DIP2C: variants seen among roughly 807,000 people sequenced by gnomAD.
DIP2C encodes DIP2 acetate--CoA ligase C (putative).
Under a neutral mutation model 192.4 loss-of-function variants are expected in DIP2C, and 33 were observed. The ratio of observed to expected loss-of-function variants is 0.17; its 90% CI spans 0.13 to 0.23. The LOEUF is 0.23. DIP2C is among the 10% of genes least tolerant of loss of function. DIP2C has a pLI of 1.00. For missense variants in DIP2C, 1,537 were observed against 2,110.1 expected (o/e 0.73, Z 5.32); for synonymous variants, 979 against 864.1 (o/e 1.13, Z -2.33).
chr10:687,894 G>C (rs561860178), intron 1 of DIP2C, among the ~76,000 whole-genome samples: 1 of 152,304 alleles, frequency 6.6e-6, no homozygotes, highest in East Asian at 1.9e-4. Flanking sequence ...GGGGCGCTAC[G>C]CTCTGCTGAC....
At chr10:594,652 G>A (rs1287412234) in intron 1 of DIP2C, among the ~76,000 whole-genome samples, 6 of 149,338 alleles carry the variant, frequency 4.0e-5, no homozygotes, top group Non-Finnish European at 8.8e-5. Context: ...GCTTTCTCGA[G>A]TCCCTGGCTG....
intron 1 of DIP2C, among the ~76,000 whole-genome samples, chr10:688,593 C>T (rs1351619691): frequency 1.5e-5 from 2 of 137,140 alleles, no homozygotes; most frequent in African/African-American, 5.4e-5. Context: ...ACAGGAATGG[C>T]CTGACCAGGA....
intron 1 of DIP2C, among the ~76,000 whole-genome samples, chr10:685,307 C>T (rs527704348): frequency 6.6e-6 from 1 of 151,850 alleles, no homozygotes; most frequent in East Asian, 1.9e-4. Context: ...GCTGAAAAAA[C>T]ATTAGGCTGC....
chr10:638,239 T>C (rs918119149), intron 1 of DIP2C, among the ~76,000 whole-genome samples: 1 of 152,234 alleles, frequency 6.6e-6, no homozygotes, highest in African/African-American at 2.4e-5. Context: ...GTGGAAGTAA[T>C]TCCTTAAAAA....
At chr10:345,630 C>T (rs1447398834) in intron 26 of DIP2C, among the ~76,000 whole-genome samples, 2 of 123,044 alleles carry the variant, frequency 1.6e-5, no homozygotes, top group Non-Finnish European at 3.3e-5. Context: ...CCAGACACAT[C>T]GCGCATAGTT....
chr10:534,266 C>T (rs554183471), intron 1 of DIP2C, among the ~76,000 whole-genome samples: 9 of 152,350 alleles, frequency 5.9e-5, no homozygotes, highest in African/African-American at 2.2e-4. Flanking sequence ...GTGCAACTCT[C>T]ACTTCATCCC....
chr10:477,906 G>T (rs1436068192), intron 2 of DIP2C, among the ~76,000 whole-genome samples: 1 of 113,930 alleles, frequency 8.8e-6, no homozygotes, highest in African/African-American at 3.5e-5. Flanking sequence ...AAAAGAGAGG[G>T]AAAGAAAAGA....
intron 1 of DIP2C, among the ~76,000 whole-genome samples, chr10:526,222 C>T (rs773217754): frequency 5.9e-5 from 9 of 152,154 alleles, no homozygotes; most frequent in East Asian, 1.9e-4. Context: ...AGCCCACAGC[C>T]GCGTGGTTTC....
chr10:576,919 TAAAAA>T (rs983081552), intron 1 of DIP2C, among the ~76,000 whole-genome samples: 46 of 144,938 alleles, frequency 3.2e-4, no homozygotes, highest in African/African-American at 1.1e-3. Context: ...TTCTGTCTAA[TAAAAA>T]AAAAAATAAG....
intron 1 of DIP2C, among the ~76,000 whole-genome samples, chr10:601,820 C>A (rs1448096777): frequency 6.6e-6 from 1 of 152,118 alleles, no homozygotes; most frequent in African/African-American, 2.4e-5. Context: ...GGTGGCTGAT[C>A]GGGGATCAGA....
At chr10:281,654 A>C (rs1464753651) in intron 35 of DIP2C, among the ~76,000 whole-genome samples, 1 of 152,210 alleles carries the variant, frequency 6.6e-6, no homozygotes, top group African/African-American at 2.4e-5. Context: ...CGAAGTCGGC[A>C]CCCAGCGGTC....
chr10:573,491 C>T (rs1588490154), intron 1 of DIP2C, among the ~76,000 whole-genome samples: 1 of 152,206 alleles, frequency 6.6e-6, no homozygotes, highest in African/African-American at 2.4e-5. Flanking sequence ...TCACTGCAAG[C>T]TCCGCCTCCC....
chr10:531,503 G>A (rs1847369001), intron 1 of DIP2C, among the ~76,000 whole-genome samples: 1 of 152,066 alleles, frequency 6.6e-6, no homozygotes, highest in South Asian at 2.1e-4. Flanking sequence ...AAAGAATCGA[G>A]GTATCATACG....
At chr10:313,895 G>A (rs1401642554) in intron 31 of DIP2C, among the ~76,000 whole-genome samples, 1 of 152,178 alleles carries the variant, frequency 6.6e-6, no homozygotes, top group African/African-American at 2.4e-5. Context: ...TAAGCTGACT[G>A]GTGATTTTAC....
At chr10:512,780 G>C (rs1055110819) in intron 1 of DIP2C, among the ~76,000 whole-genome samples, 6 of 151,840 alleles carry the variant, frequency 4.0e-5, no homozygotes, top group Non-Finnish European at 7.4e-5. Flanking sequence ...CAGGCATGAT[G>C]GTGGGTGCCT....
At chr10:436,843 T>G (rs1175167325) in intron 4 of DIP2C, among the ~76,000 whole-genome samples, 2 of 134,466 alleles carry the variant, frequency 1.5e-5, no homozygotes, top group African/African-American at 2.9e-5. Flanking sequence ...ACACCTGAGC[T>G]CTCTCTGAGC....
At chr10:532,738 T>C (rs917653282) in intron 1 of DIP2C, among the ~76,000 whole-genome samples, 2 of 86,636 alleles carry the variant, frequency 2.3e-5, no homozygotes, top group East Asian at 4.6e-4. Flanking sequence ...AGTATGGGTG[T>C]GAGAGAGAGT....
At chr10:277,657 GCTCT>G in intron 36 of DIP2C, 80 bp from the exon 37 acceptor site, 1 of 1,552,328 alleles carries the variant, frequency 6.4e-7, no homozygotes, top group Non-Finnish European at 8.7e-7. Flanking sequence ...GTTCCACTTG[GCTCT>G]CTCTGACCTG....
chr10:491,238 C>T (rs1041705402), intron 1 of DIP2C, among the ~76,000 whole-genome samples: 3 of 152,214 alleles, frequency 2.0e-5, no homozygotes, highest in African/African-American at 4.8e-5. Context: ...GCTTCCACAG[C>T]GTGGCTCAGC....
Sources: allele counts gnomAD v4.1 joint callset (sites outside exome capture counted in the v4.1 genomes callset), GRCh38; gene constraint gnomAD v4.1.1; transcripts MANE v1.5; gene names NCBI Gene and HGNC (gene_info 2026-07-23, HGNC 2026-07-21).